The following NELL1 variants were observed in gnomAD, a reference collection of about 807,000 sequenced individuals.
NELL1 encodes the protein protein kinase C-binding protein NELL1.
Under a neutral mutation model 107.4 loss-of-function variants are expected in NELL1, and 76 were observed. The ratio of observed to expected loss-of-function variants is 0.71; its 90% CI spans 0.59 to 0.86. NELL1 has a LOEUF of 0.86. Among genes scored for constraint, NELL1 ranks in the 40% least tolerant of loss-of-function variants. The pLI is 0.00. For synonymous variants in NELL1, 353 were observed against 341.2 expected, an observed-to-expected ratio of 1.03 and a Z score of -0.38; for missense variants, 1,024 against 1,005.5, an observed-to-expected ratio of 1.02 and a Z score of -0.25.
intron 14 of NELL1, among the ~76,000 whole-genome samples, chr11:21,338,955 C>T (rs1186030940): frequency 1.3e-5 from 2 of 152,018 alleles, no homozygotes; most frequent in East Asian, 1.9e-4. Context: ...ACATTAAGAG[C>T]CACTAATCTC....
At position 20,676,825 on chromosome 11, in the gene NELL1, G is replaced by A. The variant is rs142224809; in HGVS notation, c.56-1107G>A. ...GTGACTGCATTACCATCAGATGAGA[G>A]TTGACAGCTGTTGCTGATTAAAACA... is the stretch of plus-strand genomic sequence containing the variant. On this transcript the variant is annotated intron_variant, in intron 1 of 19. Transcript: ENST00000357134. Among the ~76,000 whole-genome samples, 5 of 152,330 alleles carry A rather than the reference G, an allele frequency of 3.3e-5. No individual in the cohort carries two copies. The East Asian group carries it at 9.7e-4, about 29-fold the overall frequency.
At chr11:21,095,537 A>G (rs1475589318) in intron 12 of NELL1, among the ~76,000 whole-genome samples, 1 of 152,178 alleles carries the variant, frequency 6.6e-6, no homozygotes, top group African/African-American at 2.4e-5. Flanking sequence ...AAGAGGTTTA[A>G]TTGGACTTAC....
intron 2 of NELL1, among the ~76,000 whole-genome samples, chr11:20,779,292 T>C (rs1856810505): frequency 6.6e-6 from 1 of 152,190 alleles, no homozygotes; most frequent in African/African-American, 2.4e-5. Context: ...TATGACTTGG[T>C]CCTCCCATCC....
chr11:20,975,974 T>C (rs59738647), intron 12 of NELL1, among the ~76,000 whole-genome samples: 6 of 142,774 alleles, frequency 4.2e-5, no homozygotes, highest in African/African-American at 1.3e-4. Context: ...ACATTATATA[T>C]ATTATATCTG....
intron 12 of NELL1, among the ~76,000 whole-genome samples, chr11:21,078,186 C>G (rs1332434118): frequency 1.3e-5 from 2 of 151,636 alleles, no homozygotes; most frequent in Non-Finnish European, 2.9e-5. Context: ...CAAAAGAAAT[C>G]AAAACATAAA....
chr11:20,726,547 A>G (rs926625961), intron 2 of NELL1, among the ~76,000 whole-genome samples: 3 of 145,648 alleles, frequency 2.1e-5, no homozygotes, highest in African/African-American at 5.3e-5. Context: ...TTCCTGCTTT[A>G]AAAAAAAAAC....
At chr11:21,284,286 G>C (rs763206111) in intron 14 of NELL1, 1 of 457,224 alleles carries the variant, frequency 2.2e-6, no homozygotes, top group Non-Finnish European at 4.4e-6. Flanking sequence ...CTAGTTGTTT[G>C]GGAAAACACA....
chr11:21,140,574 G>C (rs1392755106), intron 13 of NELL1, among the ~76,000 whole-genome samples: 1 of 152,182 alleles, frequency 6.6e-6, no homozygotes, highest in Non-Finnish European at 1.5e-5. Flanking sequence ...TCACAGTTCT[G>C]AAAGTCTGCA....
At chr11:21,327,162 G>T (rs79294552) in intron 14 of NELL1, among the ~76,000 whole-genome samples, 1 of 96,942 alleles carries the variant, frequency 1.0e-5, no homozygotes, top group Non-Finnish European at 2.0e-5. Context: ...GAGATCTGAT[G>T]TTTTTTTTTT....
intron 3 of NELL1, among the ~76,000 whole-genome samples, chr11:20,814,281 A>C (rs1293417510): frequency 6.6e-6 from 1 of 152,248 alleles, no homozygotes; most frequent in Non-Finnish European, 1.5e-5. Context: ...GGCGTGAGCC[A>C]CCACACCCAG....
At chr11:20,954,186 T>G (rs901706923) in intron 11 of NELL1, among the ~76,000 whole-genome samples, 1 of 152,248 alleles carries the variant, frequency 6.6e-6, no homozygotes, top group Non-Finnish European at 1.5e-5. Context: ...ATGTATGTAA[T>G]TTTATGGGAT....
At chr11:20,721,623 G>A (rs1855390545) in intron 2 of NELL1, among the ~76,000 whole-genome samples, 1 of 152,176 alleles carries the variant, frequency 6.6e-6, no homozygotes, top group African/African-American at 2.4e-5. Flanking sequence ...TAAAGGAGAT[G>A]GAAAGTACAA....
intron 2 of NELL1, among the ~76,000 whole-genome samples, chr11:20,756,053 C>T (rs1247820913): frequency 2.6e-5 from 4 of 151,462 alleles, no homozygotes; most frequent in East Asian, 2.0e-4. Flanking sequence ...CCACCACACC[C>T]GGCTAATTTT....
intron 15 of NELL1, among the ~76,000 whole-genome samples, chr11:21,441,623 G>A (rs960304203): frequency 6.6e-6 from 1 of 151,902 alleles, no homozygotes; most frequent in Non-Finnish European, 1.5e-5. Context: ...TAAAATGCAG[G>A]TAAAGGTACC....
At chr11:21,451,411 T>G (rs1011076425) in intron 15 of NELL1, among the ~76,000 whole-genome samples, 1 of 152,052 alleles carries the variant, frequency 6.6e-6, no homozygotes, top group Non-Finnish European at 1.5e-5. Flanking sequence ...AGTGTTAGAT[T>G]TAGTCTCAGA....
In NELL1 at chr11:21,020,817, A is replaced by G. The variant is rs146784742; in HGVS notation, c.1300+60257A>G. On this transcript the variant is annotated intron_variant, in intron 12 of 19. Transcript: ENST00000357134. ...GTGCCTTTCATTCCCTTTCCTGCTC[A>G]GAAGAGACACCACTGTAGGAAGCCC... is the stretch of plus-strand genomic sequence containing the variant. 4.4e-3 allele frequency among the ~76,000 whole-genome samples: 676 copies of G among 152,066 alleles called. 3 individuals are homozygous for G. The highest frequency in any genetic ancestry group is 0.014 in the African/African-American group (600 of 41,490).
At chr11:21,015,331 C>T (rs936895825) in intron 12 of NELL1, among the ~76,000 whole-genome samples, 2 of 152,188 alleles carry the variant, frequency 1.3e-5, no homozygotes, top group East Asian at 3.9e-4. Context: ...TCGTCCTCGC[C>T]GTTGAAATTA....
rs377382046 is a variant in NELL1, at chr11:21,523,315, A to G, written c.1646-11059A>G. Among the ~76,000 whole-genome samples the G allele has an allele frequency of 1.4e-4, 22 of 152,234 alleles. 1 individual carries two copies. Among genetic ancestry groups the G allele is most frequent in the African/African-American group, 5.1e-4 (21 of 41,532 alleles). ...GGTATTGCTTTTTACTAGTCTGACA[A>G]TCTTTGCCTTTAAGTGTTTAATAAA... is the stretch of plus-strand genomic sequence containing the variant. On this transcript the variant is annotated intron_variant, in intron 15 of 19. Transcript: ENST00000357134.
chr11:20,981,035 T>C (rs1238300851), intron 12 of NELL1, among the ~76,000 whole-genome samples: 1 of 152,222 alleles, frequency 6.6e-6, no homozygotes, highest in Non-Finnish European at 1.5e-5. Flanking sequence ...CTTGCTGACA[T>C]GTAATAGTCA....
Sources: gnomAD v4.1 joint callset for allele counts (sites outside exome capture counted in the v4.1 genomes callset) on GRCh38, gnomAD v4.1.1 for gene constraint, MANE v1.5 for transcripts, NCBI Gene and HGNC (gene_info 2026-07-23, HGNC 2026-07-21) for gene names.